Variants in CXCL11 observed in about 807,000 individuals in gnomAD.
The protein encoded by CXCL11 is C-X-C motif chemokine 11.
A neutral mutation model predicts 9.7 loss-of-function variants in CXCL11; 7 were observed. The ratio of observed to expected loss-of-function variants is 0.72; its 90% CI spans 0.41 to 1.36. The LOEUF (loss-of-function observed/expected upper bound fraction) is 1.36, where lower values mean the gene tolerates loss of function less well. Among genes scored for constraint, CXCL11 ranks in the 40% most tolerant of loss-of-function variants. The pLI, the probability that CXCL11 is intolerant of heterozygous loss-of-function variation, is 0.01. For missense variants in CXCL11, 107 were observed against 113.4 expected, an observed-to-expected ratio of 0.94 and a Z score of 0.26; for synonymous variants, 35 against 34.4, an observed-to-expected ratio of 1.02 and a Z score of -0.06.
rs1734196511 is a variant in CXCL11 at position 76,034,800 on chromosome 4, T to C, written c.278A>G (p.Asn93Ser). The part of the protein sequence containing the change: ...RLIIKKVERK[N>S]F ...TCATATGTTTTGATATTTTTAAAAA[T>C]TCTTTCTTTCAACTTTCTGGAATAA... The change falls in exon 4 of 4, where the codon AAT becomes AGT. Residue 93 changes from asparagine (N) to serine (S), a missense_variant. Asn to Ser is a conservative substitution (Grantham distance 46). Transcript: ENST00000306621. 6.4e-7 allele frequency: 1 copy of C among 1,552,004 alleles called. No homozygotes were observed. The highest frequency in any genetic ancestry group is 8.9e-7 in the Non-Finnish European group (1 of 1,128,090).
rs10003382 is a variant in CXCL11 at position 76,034,320 on chromosome 4, C to T, written c.*473G>A. The T allele has an allele frequency of 0.59, 236,392 of 398,352 alleles. 73,326 individuals are homozygous for T. Among genetic ancestry groups the T allele is most frequent in the East Asian group, 0.93 (25,985 of 27,972 alleles). 24.7% of individuals were successfully genotyped at this position (398,352 alleles called of 1,614,324 possible). Reference sequence around the variant, plus strand: ...CCAGTAATAATGTCAATGTCTCCACCGTAACCACAGATAGTAATATAGCAT... The same window carrying T: ...CCAGTAATAATGTCAATGTCTCCACTGTAACCACAGATAGTAATATAGCAT... On this transcript the variant is annotated 3_prime_UTR_variant, in exon 4 of 4. Transcript: ENST00000306621.
intron 1 of CXCL11, 104 bp from the exon 2 acceptor site, chr4:76,035,446 G>T: frequency 8.4e-7 from 1 of 1,190,456 alleles, no homozygotes; most frequent in Non-Finnish European, 1.2e-6. Flanking sequence ...TAAGGGTAAA[G>T]ATAGTAATTT....
At position 76,034,340 on chromosome 4, in the gene CXCL11, T is replaced by C. The variant is rs969261639; in HGVS notation, c.*453A>G. The C allele has an allele frequency of 1.5e-5, 6 of 403,950 alleles. No homozygotes were observed. The highest frequency in any genetic ancestry group is 8.8e-5 in the Admixed American group (2 of 22,814). The allele number at this position is 403,950 out of a possible 1,614,324, so 25.0% of individuals were successfully genotyped here. A position where few individuals can be genotyped will look rare whatever the true frequency, so the allele number is the denominator to read the frequency against. ...TCCACCGTAACCACAGATAGTAATA[T>C]AGCATAAAGATCAATACAGACAGAT... On this transcript the variant is annotated 3_prime_UTR_variant, in exon 4 of 4. Coordinates refer to ENST00000306621, the MANE Select transcript of CXCL11 (RefSeq NM_005409.5).
Position 76,035,929 on chromosome 4 carries a change from T to G in CXCL11, c.59A>C (p.Gln20Pro), listed in dbSNP as rs926658384. The change falls in exon 1 of 4, where the codon CAA becomes CCA. Residue 20 changes from glutamine to proline, a missense_variant and splice_region_variant. By Grantham distance (76) the Gln-to-Pro change is moderately conservative. Coordinates refer to ENST00000306621, the MANE Select transcript of CXCL11 (RefSeq NM_005409.5). ...LAVILCATVV[Q>P]GFPMFKRGRC... ...GAGAAATAAAAATTACTGCATACCTTGAACAACTGTAGCACACAATATCAC... is the reference window on the plus strand; with the variant it reads ...GAGAAATAAAAATTACTGCATACCTGGAACAACTGTAGCACACAATATCAC... 14 of 1,612,982 alleles carry G rather than the reference T, an allele frequency of 8.7e-6. No individual in the cohort carries two copies. The Admixed American group carries it at 2.0e-4, about 23-fold the overall frequency.
chr4:76,035,274 C>G lies in CXCL11; in HGVS notation c.130G>C (p.Asp44His), dbSNP rs1734267626. The G allele has an allele frequency of 6.2e-7, 1 of 1,613,952 alleles. No homozygotes were observed. Among genetic ancestry groups the G allele is most frequent in the African/African-American group, 1.3e-5 (1 of 74,922 alleles). ...TACATTATGGAGGCTTTCTCAATAT[C>G]TGCCACTTTCACTGCTTTTACCCCA... ...GPGVKAVKVA[D>H]IEKASIMYPS... Residue 44 changes from aspartate to histidine, a missense_variant, in exon 2 of 4, where the codon GAT becomes CAT. Coordinates refer to ENST00000306621, the MANE Select transcript of CXCL11 (RefSeq NM_005409.5).
In CXCL11 at chr4:76,034,643, T is replaced by C. The variant is rs912923076; in HGVS notation, c.*150A>G. On this transcript the variant is annotated 3_prime_UTR_variant, in exon 4 of 4. Coordinates refer to ENST00000306621, the MANE Select transcript of CXCL11 (RefSeq NM_005409.5). ...GGTCCTTTCACCCACCTTTCATCCT[T>C]CACATAACTGTACAAAAGTTGAAAG... 8.6e-6 allele frequency: 6 copies of C among 699,762 alleles called. No homozygotes were observed. Among genetic ancestry groups the C allele is most frequent in the African/African-American group, 1.8e-5 (1 of 54,288 alleles). The allele number at this position is 699,762 out of a possible 1,614,324, so 43.3% of individuals were successfully genotyped here.
Position 76,034,706 on chromosome 4 carries a change from G to C in CXCL11, c.*87C>G. 2 of 1,015,476 alleles carry C rather than the reference G, an allele frequency of 2.0e-6. No individual in the cohort carries two copies. The highest frequency in any genetic ancestry group is 1.4e-5 in the South Asian group (1 of 69,786). The allele number at this position is 1,015,476 out of a possible 1,614,324, so 62.9% of individuals were successfully genotyped here. A position where few individuals can be genotyped will look rare whatever the true frequency, so the allele number is the denominator to read the frequency against. On this transcript the variant is annotated 3_prime_UTR_variant, in exon 4 of 4. Coordinates refer to ENST00000306621, the MANE Select transcript of CXCL11 (RefSeq NM_005409.5). Reference sequence around the variant, plus strand: ...AGAAAAGTCTCAGTTTCCTACTGTAGAATTCTTGTCATTTCAGTAGTCACA... The same window carrying C: ...AGAAAAGTCTCAGTTTCCTACTGTACAATTCTTGTCATTTCAGTAGTCACA...
rs1024734657 is a variant in CXCL11, at chr4:76,034,738, C to G, written c.*55G>C. On this transcript the variant is annotated 3_prime_UTR_variant, in exon 4 of 4. Coordinates refer to ENST00000306621, the MANE Select transcript of CXCL11 (RefSeq NM_005409.5). ...TGTCATTTCAGTAGTCACAGTTAAA[C>G]TTGTTCTAGGTTTTTCAGATGCTCT... 7.6e-7 allele frequency: 1 copy of G among 1,312,740 alleles called. No individual in the cohort carries two copies. 81.3% of individuals were successfully genotyped at this position (1,312,740 alleles called of 1,614,324 possible).
rs898209711 is a variant in CXCL11, at chr4:76,033,886, C to G, written c.*907G>C. 1.3e-5 allele frequency: 2 copies of G among 152,170 alleles called. No individual in the cohort carries two copies. Among genetic ancestry groups the G allele is most frequent in the African/African-American group, 2.4e-5 (1 of 41,450 alleles). The allele number at this position is 152,170 out of a possible 1,614,324, so 9.4% of individuals were successfully genotyped here. On this transcript the variant is annotated 3_prime_UTR_variant, in exon 4 of 4. Transcript: ENST00000306621. ...CATTTGCTTATTTTTCAACATTTTT[C>G]TTTGGTAGACAAAAACATTTTGTAT... is the stretch of plus-strand genomic sequence containing the variant.
In CXCL11 at chr4:76,034,931, A is replaced by G. The variant is rs568810587; in HGVS notation, c.262-115T>C. The stretch of plus-strand genomic sequence containing the variant: ...TTACAACCAAGGACCCCTTAACAGA[A>G]TATTTCACACAGGATCATAGCAGAA... On this transcript the variant is annotated intron_variant, in intron 3 of 3. Coordinates refer to ENST00000306621, the MANE Select transcript of CXCL11 (RefSeq NM_005409.5). 6.1e-5 allele frequency: 83 copies of G among 1,353,198 alleles called. No individual in the cohort carries two copies. The African/African-American group carries it at 1.1e-3, about 18-fold the overall frequency. 83.8% of individuals were successfully genotyped at this position (1,353,198 alleles called of 1,614,324 possible). A position where few individuals can be genotyped will look rare whatever the true frequency, so the allele number is the denominator to read the frequency against.
chr4:76,035,146 A>AATT (rs1387955990), intron 2 of CXCL11, 27 bp from the exon 3 acceptor site: 10 of 1,613,000 alleles, frequency 6.2e-6, no homozygotes, highest in Non-Finnish European at 8.5e-6. Context: ...CAAGAGTCTT[A>AATT]AAGTTTAGAT....
rs1734278698 is a variant in CXCL11, at chr4:76,035,327, T to C, written c.77A>G (p.Lys26Arg). The change falls in exon 2 of 4, where the codon AAA becomes AGA. Residue 26 changes from lysine to arginine, a missense_variant. Physicochemically the swap from Lys to Arg is conservative, Grantham distance 26 (BLOSUM62 2). Transcript: ENST00000306621. The stretch of plus-strand genomic sequence containing the variant: ...GCCTATGCAAAGACAGCGTCCTCTT[T>C]TGAACATGGGGAAGCCTAGAATAGA... ...ATVVQGFPMF[K>R]RGRCLCIGPG... The C allele has an allele frequency of 1.9e-6, 3 of 1,614,012 alleles. No homozygotes were observed. Among genetic ancestry groups the C allele is most frequent in the Non-Finnish European group, 2.5e-6 (3 of 1,179,888 alleles).
chr4:76,036,041 CTCT>C lies in CXCL11; in HGVS notation c.-57_-55del. On this transcript the variant is annotated 5_prime_UTR_variant, in exon 1 of 4. Coordinates refer to ENST00000306621, the MANE Select transcript of CXCL11 (RefSeq NM_005409.5). ...TGCTGCTGCTACTTCAGCTTTGCTGCTCTTCTTGGAAGGAGTAGAAATGCTGAA... is the reference window on the plus strand; with the variant it reads ...TGCTGCTGCTACTTCAGCTTTGCTGCTCTTGGAAGGAGTAGAAATGCTGAA... 1.3e-6 allele frequency: 2 copies of C among 1,556,626 alleles called. No individual in the cohort carries two copies. Among genetic ancestry groups the C allele is most frequent in the Admixed American group, 1.7e-5 (1 of 58,972 alleles).
chr4:76,035,946 C>T lies in CXCL11; in HGVS notation c.42G>A (p.Leu14=). 1 of 1,613,702 alleles carries T rather than the reference C, an allele frequency of 6.2e-7. No homozygotes were observed. The highest frequency in any genetic ancestry group is 2.2e-5 in the East Asian group (1 of 44,850). The part of the protein sequence containing the change: ...KGMAIALAVI[L]CATVVQGFPM... ...GCATACCTTGAACAACTGTAGCACA[C>T]AATATCACAGCCAAGGCTATAGCCA... The change falls in exon 1 of 4, where the codon TTG becomes TTA. Residue 14 remains leucine, a synonymous_variant. Coordinates refer to ENST00000306621, the MANE Select transcript of CXCL11 (RefSeq NM_005409.5).
chr4:76,035,579 G>A (rs998581390), intron 1 of CXCL11, among the ~76,000 whole-genome samples: 16 of 152,334 alleles, frequency 1.1e-4, no homozygotes, highest in Admixed American at 9.8e-4. Context: ...TATTGGAGGT[G>A]AAGCTTGTTT....
chr4:76,034,877 T>C (rs1412658599), intron 3 of CXCL11, 61 bp from the exon 4 acceptor site: 7 of 1,462,168 alleles, frequency 4.8e-6, no homozygotes, highest in South Asian at 1.2e-5. Flanking sequence ...CCAGGACATC[T>C]AAAAACATGT....
chr4:76,035,451 TA>T (rs1274298164), intron 1 of CXCL11, 109 bp from the exon 2 acceptor site: 1 of 1,125,216 alleles, frequency 8.9e-7, no homozygotes, highest in East Asian at 2.6e-5. Flanking sequence ...GTAAAGATAG[TA>T]ATTTGTCAAA....
At position 76,034,355 on chromosome 4, in the gene CXCL11, TACAG is replaced by T; in HGVS notation, c.*434_*437del. 1 of 421,922 alleles carries T rather than the reference TACAG, an allele frequency of 2.4e-6. No individual in the cohort carries two copies. Among genetic ancestry groups the T allele is most frequent in the Non-Finnish European group, 4.1e-6 (1 of 243,048 alleles). The allele number at this position is 421,922 out of a possible 1,614,324, so 26.1% of individuals were successfully genotyped here. A position where few individuals can be genotyped will look rare whatever the true frequency, so the allele number is the denominator to read the frequency against. On this transcript the variant is annotated 3_prime_UTR_variant, in exon 4 of 4. Transcript: ENST00000306621. ...GATAGTAATATAGCATAAAGATCAA[TACAG>T]ACAGATGACTTCTAGAGACAGAAAT...
chr4:76,033,761 C>G lies in CXCL11; in HGVS notation c.*1032G>C, dbSNP rs1479009377. 2 of 151,710 alleles carry G rather than the reference C, an allele frequency of 1.3e-5. No homozygotes were observed. Among genetic ancestry groups the G allele is most frequent in the Non-Finnish European group, 2.9e-5 (2 of 67,966 alleles). 9.4% of individuals were successfully genotyped at this position (151,710 alleles called of 1,614,324 possible). On this transcript the variant is annotated 3_prime_UTR_variant, in exon 4 of 4. Coordinates refer to ENST00000306621, the MANE Select transcript of CXCL11 (RefSeq NM_005409.5). ...TTCTTTAAACTAGTCTTGAGTATACCTAAATTTTACAGTATATAGGCATGA... is the reference window on the plus strand; with the variant it reads ...TTCTTTAAACTAGTCTTGAGTATACGTAAATTTTACAGTATATAGGCATGA...
Sources: gnomAD v4.1 joint callset for allele counts (sites outside exome capture counted in the v4.1 genomes callset) on GRCh38, gnomAD v4.1.1 for gene constraint, MANE v1.5 for transcripts, NCBI Gene and HGNC (gene_info 2026-07-23, HGNC 2026-07-21) for gene names.